RGS8: variants seen among roughly 807,000 people sequenced by gnomAD.
RGS8 encodes regulator of G protein signaling 8.
In RGS8, 8 loss-of-function variants were observed where a neutral mutation model predicts 21.7. The observed-to-expected ratio is 0.37, with a 90% CI of 0.22 to 0.66. The LOEUF is 0.66. Among genes scored for constraint, RGS8 ranks in the 30% least tolerant of loss-of-function variants. RGS8 has a pLI of 0.59. For synonymous variants in RGS8, 80 were observed against 83.6 expected, an observed-to-expected ratio of 0.96 and a Z score of 0.24; for missense variants, 157 against 217.9, an observed-to-expected ratio of 0.72 and a Z score of 1.76.
the RGS8 span, among the ~76,000 whole-genome samples, chr1:182,739,317 G>A: frequency 2.0e-5 from 3 of 152,126 alleles, no homozygotes; most frequent in South Asian, 2.1e-4. Context: ...GAGGGGCTTC[G>A]CACAGCCTGA....
chr1:182,647,580 T>G (rs904569943), intron 6 of RGS8, among the ~76,000 whole-genome samples: 1 of 152,226 alleles, frequency 6.6e-6, no homozygotes, highest in Non-Finnish European at 1.5e-5. Context: ...TAATAGAAAT[T>G]CATCCTATTA....
the RGS8 span, among the ~76,000 whole-genome samples, chr1:182,724,964 G>A: frequency 6.6e-6 from 1 of 152,140 alleles, no homozygotes; most frequent in Non-Finnish European, 1.5e-5. Context: ...AATCCCACTG[G>A]AAAATAGCCT....
chr1:182,646,644 T>G, exon 7 of RGS8: 1 of 1,270,022 alleles, frequency 7.9e-7, no homozygotes, highest in Non-Finnish European at 1.1e-6. Flanking sequence ...TGCCACCGCT[T>G]TTGAACACCT....
chr1:182,732,267 T>A, the RGS8 span, among the ~76,000 whole-genome samples: 521 of 133,072 alleles, frequency 3.9e-3, 2 homozygotes, highest in Middle Eastern at 0.012. Context: ...TCGCTCTCTC[T>A]CTCATACACA....
the RGS8 span, among the ~76,000 whole-genome samples, chr1:182,717,450 G>C: frequency 6.6e-6 from 1 of 152,178 alleles, no homozygotes; most frequent in African/African-American, 2.4e-5. Flanking sequence ...AAATTGTTGA[G>C]ATAAGATGAC....
chr1:182,672,740 T>G (rs1664224090), upstream of RGS8: 1 of 1,547,322 alleles, frequency 6.5e-7, no homozygotes, highest in Non-Finnish European at 8.9e-7. Flanking sequence ...GTGAGACTTT[T>G]CCTTTTGTTC....
chr1:182,669,568 A>C lies in RGS8; in HGVS notation c.26+56T>G, dbSNP rs1664048515. On this transcript the variant is annotated intron_variant, in intron 3 of 6. Transcript: ENST00000483095. Reference sequence around the variant, plus strand: ...GACTCAAATAACAGAGGGTGTGACAAGGTGGAGAAAAGAGGAAAGGGTCAG... The same window carrying C: ...GACTCAAATAACAGAGGGTGTGACACGGTGGAGAAAAGAGGAAAGGGTCAG... 3.7e-6 allele frequency: 6 copies of C among 1,613,434 alleles called. No individual in the cohort carries two copies. In the South Asian group the frequency reaches 5.5e-5, roughly 15 times the overall value.
the RGS8 span, among the ~76,000 whole-genome samples, chr1:182,694,044 A>C: frequency 6.6e-6 from 1 of 152,116 alleles, no homozygotes; most frequent in African/African-American, 2.4e-5. Context: ...CATGGGTGAC[A>C]AAATAACCTG....
chr1:182,688,338 C>T (rs988847136), upstream of RGS8, among the ~76,000 whole-genome samples: 1 of 151,858 alleles, frequency 6.6e-6, no homozygotes. Flanking sequence ...AGTACACACA[C>T]ACACTTTCTC....
chr1:182,726,091 G>A, the RGS8 span, among the ~76,000 whole-genome samples: 139 of 151,944 alleles, frequency 9.1e-4, no homozygotes, highest in Admixed American at 1.6e-3. Context: ...GCTTCTCAGC[G>A]GCTTGCAGTT....
chr1:182,717,008 T>C, the RGS8 span, among the ~76,000 whole-genome samples: 36 of 152,184 alleles, frequency 2.4e-4, no homozygotes, highest in Non-Finnish European at 5.1e-4. Context: ...GGAGGAAGTG[T>C]GTGGTAAAAT....
chr1:182,710,756 C>A, the RGS8 span, among the ~76,000 whole-genome samples: 18 of 152,132 alleles, frequency 1.2e-4, no homozygotes, highest in Non-Finnish European at 2.1e-4. Flanking sequence ...ATGAAAAGTG[C>A]TTAACACAGT....
At chr1:182,649,346 A>G (rs1215488816) in intron 5 of RGS8, among the ~76,000 whole-genome samples, 1 of 152,212 alleles carries the variant, frequency 6.6e-6, no homozygotes, top group African/African-American at 2.4e-5. Context: ...CTACCAAAAA[A>G]AATCTGAAAG....
At chr1:182,648,678 T>G (rs1185695365) in intron 5 of RGS8, among the ~76,000 whole-genome samples, 1 of 151,956 alleles carries the variant, frequency 6.6e-6, no homozygotes, top group African/African-American at 2.4e-5. Flanking sequence ...GAGGTTGCAG[T>G]GAGCTGAGAT....
chr1:182,644,818 T>A (rs1159994140), downstream of RGS8: 1 of 152,236 alleles, frequency 6.6e-6, no homozygotes. Flanking sequence ...AATGATTTGT[T>A]TTTTTAACCA....
chr1:182,646,163 C>A (rs1662693714), exon 7 of RGS8: 1 of 152,284 alleles, frequency 6.6e-6, no homozygotes, highest in Non-Finnish European at 1.5e-5. Flanking sequence ...ATGGAAGAAA[C>A]AAACAACTCC....
At chr1:182,668,726 C>T (rs1249498028) in intron 3 of RGS8, among the ~76,000 whole-genome samples, 1 of 152,200 alleles carries the variant, frequency 6.6e-6, no homozygotes, top group Non-Finnish European at 1.5e-5. Flanking sequence ...CATGGCATTT[C>T]CAAACATTGG....
At chr1:182,672,338 GTGTGA>G, upstream of RGS8, 3 of 190,234 alleles carry the variant, frequency 1.6e-5, no homozygotes, top group Non-Finnish European at 3.3e-5. Context: ...GTCTTGCTGG[GTGTGA>G]TGTGATGTGA....
chr1:182,645,301 T>C (rs1488566517), downstream of RGS8: 1 of 152,258 alleles, frequency 6.6e-6, no homozygotes, highest in South Asian at 2.1e-4. Flanking sequence ...ATTATTCCAA[T>C]AGTAACTCCA....
Sources: gnomAD v4.1 joint callset for allele counts (sites outside exome capture counted in the v4.1 genomes callset) on GRCh38, gnomAD v4.1.1 for gene constraint, MANE v1.5 for transcripts, NCBI Gene and HGNC (gene_info 2026-07-23, HGNC 2026-07-21) for gene names.